Variants in FAM178B observed in about 807,000 individuals in gnomAD.
FAM178B encodes the protein family with sequence similarity 178 member B, also known as protein FAM178B.
In FAM178B, 82 loss-of-function variants were observed where a neutral mutation model predicts 91.7. The observed-to-expected ratio is 0.89, with a 90% CI of 0.75 to 1.07. The LOEUF (loss-of-function observed/expected upper bound fraction) is 1.07. Among genes scored for constraint, FAM178B ranks in the 50% least tolerant of loss-of-function variants. The pLI is 0.00. For missense variants in FAM178B, 769 were observed against 846.7 expected (o/e 0.91, Z 1.14); for synonymous variants, 368 against 359.4 (o/e 1.02, Z -0.27).
chr2:96,901,334 G>A (rs1334519150), intron 13 of FAM178B, among the ~76,000 whole-genome samples: 3 of 151,550 alleles, frequency 2.0e-5, no homozygotes, highest in Non-Finnish European at 2.9e-5. Flanking sequence ...CAGCATGCCC[G>A]GCTAATTTTT....
At chr2:96,954,904 AG>A (rs755362536) in intron 6 of FAM178B, among the ~76,000 whole-genome samples, 14 of 152,286 alleles carry the variant, frequency 9.2e-5, no homozygotes, top group Middle Eastern at 3.4e-3. Flanking sequence ...TACAAAACTT[AG>A]CTAAGCATGG....
chr2:96,938,752 A>G (rs917337828), intron 8 of FAM178B, among the ~76,000 whole-genome samples: 1 of 152,268 alleles, frequency 6.6e-6, no homozygotes, highest in Non-Finnish European at 1.5e-5. Flanking sequence ...TGGGAGAGAC[A>G]ATATTAATCA....
intron 4 of FAM178B, among the ~76,000 whole-genome samples, chr2:96,967,909 G>GTGTTTTTTTTT (rs1318481195): frequency 2.5e-5 from 1 of 40,228 alleles, no homozygotes; most frequent in Non-Finnish European, 1.0e-4. Flanking sequence ...ACCCTGTTTG[G>GTGTTTTTTTTT]TCTTTTTTTT....
At chr2:96,951,564 T>G in intron 6 of FAM178B, 80 bp from the exon 7 acceptor site, 1 of 1,036,638 alleles carries the variant, frequency 9.6e-7, no homozygotes, top group Non-Finnish European at 1.5e-6. Flanking sequence ...AGGCTGTCAC[T>G]ACCCAGCTTC....
intron 12 of FAM178B, among the ~76,000 whole-genome samples, chr2:96,906,207 T>TC (rs2081053077): frequency 6.8e-6 from 1 of 147,656 alleles, no homozygotes; most frequent in Admixed American, 6.7e-5. Flanking sequence ...TTTCTTTCTT[T>TC]TTTTTTTTTT....
rs753326398 is a variant in FAM178B, at chr2:96,876,343, G to A, written c.2008-35C>T. 6.7e-5 allele frequency: 105 copies of A among 1,578,674 alleles called. 1 individual carries two copies. The Middle Eastern group carries it at 8.7e-4, about 13-fold the overall frequency. On this transcript the variant is annotated intron_variant, in intron 16 of 16. Coordinates refer to ENST00000490605, the MANE Select transcript of FAM178B (RefSeq NM_001122646.3). The stretch of plus-strand genomic sequence containing the variant: ...GGAGAAAAGCAGGCTGTGAGGGCCT[G>A]GGCCCAGGTGCTGCCCACTGCCCTG...
chr2:96,878,610 A>AC (rs2080304902), intron 14 of FAM178B, 117 bp from the exon 15 acceptor site: 4 of 875,294 alleles, frequency 4.6e-6, no homozygotes, highest in Non-Finnish European at 5.5e-6. Flanking sequence ...GGGCTCAGTC[A>AC]CCCCTAGGCT....
At chr2:96,972,483 C>T (rs1288644121) in intron 2 of FAM178B, 55 bp downstream of exon 2, 3 of 1,536,778 alleles carry the variant, frequency 2.0e-6, no homozygotes, top group South Asian at 2.4e-5. Context: ...CTCTCCACTT[C>T]CTCTCGCCCC....
rs73959422 is a variant in FAM178B, at chr2:96,946,457, G to A, written c.1078+1361C>T. ...CTTTCCCCATACCAGTTGAGATCCCGACCCCAGGCATGGAATTCTGTAGGC... is the reference window on the plus strand; with the variant it reads ...CTTTCCCCATACCAGTTGAGATCCCAACCCCAGGCATGGAATTCTGTAGGC... On this transcript the variant is annotated intron_variant, in intron 8 of 16. Transcript: ENST00000490605. 3.7e-3 allele frequency among the ~76,000 whole-genome samples: 557 copies of A among 152,244 alleles called. 1 individual carries two copies. Among genetic ancestry groups the A allele is most frequent in the African/African-American group, 0.013 (529 of 41,548 alleles).
chr2:96,928,216 TG>T (rs944875401), intron 9 of FAM178B, among the ~76,000 whole-genome samples: 2 of 152,114 alleles, frequency 1.3e-5, no homozygotes, highest in African/African-American at 2.4e-5. Flanking sequence ...GCGGGAAGCA[TG>T]GGGGGAAGTC....
chr2:96,877,920 C>T lies in FAM178B; in HGVS notation c.1977G>A (p.Trp659Ter), dbSNP rs149143251. The stretch of plus-strand genomic sequence containing the variant: ...GCTGGCAGTGGGTCAGCAGCTCCTG[C>T]CAACGGATGTAGGTCTGGGTAGCCA... ...KDLATQTYIR[W>*]QELLTHCQPQ... The change falls in exon 16 of 17, where the codon TGG becomes TGA. Residue 659 changes from tryptophan to a stop codon, truncating the protein, a stop_gained. Coordinates refer to ENST00000490605, the MANE Select transcript of FAM178B (RefSeq NM_001122646.3). LOFTEE classifies it high-confidence loss of function. 2.0e-5 allele frequency: 32 copies of T among 1,613,678 alleles called. No individual in the cohort carries two copies. The highest frequency in any genetic ancestry group is 2.6e-5 in the Non-Finnish European group (31 of 1,180,014).
At chr2:96,914,472 C>T (rs1410015041) in intron 12 of FAM178B, among the ~76,000 whole-genome samples, 3 of 152,228 alleles carry the variant, frequency 2.0e-5, no homozygotes, top group Admixed American at 2.0e-4. Flanking sequence ...CTCCAGGCTT[C>T]CTTCCAAGAT....
chr2:96,878,580 A>C, intron 14 of FAM178B, 87 bp from the exon 15 acceptor site: 109 of 1,250,840 alleles, frequency 8.7e-5, no homozygotes, highest in Non-Finnish European at 1.2e-4. Context: ...CCCCACTCTC[A>C]GGCTTGGCAG....
At chr2:96,951,045 G>A (rs370776460) in intron 7 of FAM178B, among the ~76,000 whole-genome samples, 24 of 152,262 alleles carry the variant, frequency 1.6e-4, no homozygotes, top group African/African-American at 5.5e-4. Context: ...AGGTTAGACC[G>A]TAAGTCCACT....
At chr2:96,977,558 A>G (rs1005019710) in intron 1 of FAM178B, among the ~76,000 whole-genome samples, 5 of 151,858 alleles carry the variant, frequency 3.3e-5, no homozygotes, top group Admixed American at 1.3e-4. Flanking sequence ...GCCAAAGACA[A>G]GAAAACTCTA....
intron 8 of FAM178B, among the ~76,000 whole-genome samples, chr2:96,930,446 C>G (rs1450361286): frequency 6.6e-6 from 1 of 152,182 alleles, no homozygotes; most frequent in African/African-American, 2.4e-5. Context: ...CACACCTCAT[C>G]CAGGGACAGA....
chr2:96,922,117 T>C (rs755364550), intron 10 of FAM178B, among the ~76,000 whole-genome samples: 3 of 152,134 alleles, frequency 2.0e-5, no homozygotes, highest in African/African-American at 7.2e-5. Context: ...TGAATTAGCA[T>C]GCTAAAAGAC....
chr2:96,969,312 G>A (rs1359116878), intron 4 of FAM178B, among the ~76,000 whole-genome samples: 1 of 152,218 alleles, frequency 6.6e-6, no homozygotes, highest in Non-Finnish European at 1.5e-5. Flanking sequence ...GAGGTCATAG[G>A]ACAGGCCCTG....
chr2:96,960,324 A>G lies in FAM178B; in HGVS notation c.851T>C (p.Leu284Pro). The G allele has an allele frequency of 6.4e-7, 1 of 1,551,714 alleles. No homozygotes were observed. The change falls in exon 6 of 17, where the codon CTG (leucine) becomes CCG (proline). Residue 284 changes from leucine (L) to proline (P), a missense_variant. Leu to Pro is a moderately conservative substitution (Grantham distance 98). Transcript: ENST00000490605. ...CCCTTCCAGGTGGCTGCGTGGCTTC[A>G]GGAGTGAGGAGTCCAGGATGCATGG... ...PLPCILDSSL[L>P]KPRSHLEGLF...
Sources: gnomAD v4.1 joint callset for allele counts (sites outside exome capture counted in the v4.1 genomes callset) on GRCh38, gnomAD v4.1.1 for gene constraint, MANE v1.5 for transcripts, NCBI Gene and HGNC (gene_info 2026-07-23, HGNC 2026-07-21) for gene names.